The following TSHZ2 variants were observed in gnomAD, a reference collection of about 807,000 sequenced individuals.
TSHZ2 encodes the protein teashirt homolog 2.
TSHZ2 carries 21 observed loss-of-function variants against 74.4 expected under a neutral mutation model. The observed-to-expected ratio is 0.28, with a 90% CI of 0.20 to 0.41. The LOEUF (loss-of-function observed/expected upper bound fraction) is 0.41, where lower values mean the gene tolerates loss of function less well. TSHZ2 is among the 10% of genes least tolerant of loss of function. The pLI is 1.00. For synonymous variants in TSHZ2, 540 were observed against 515.3 expected (o/e 1.05, Z -0.65); for missense variants, 1,244 against 1,293.5 (o/e 0.96, Z 0.59).
chr20:53,160,443 A>G (rs995031431), intron 1 of TSHZ2, among the ~76,000 whole-genome samples: 4 of 152,140 alleles, frequency 2.6e-5, no homozygotes, highest in Admixed American at 6.5e-5. Flanking sequence ...TGCTGGAGCC[A>G]AGTAAAGCAT....
chr20:53,027,792 A>G (rs868298766), intron 1 of TSHZ2, among the ~76,000 whole-genome samples: 3 of 152,140 alleles, frequency 2.0e-5, no homozygotes, highest in Admixed American at 6.5e-5. Flanking sequence ...CCCTGAAGGG[A>G]CTTGAAACCC....
Position 53,040,529 on chromosome 20 carries a change from T to A in TSHZ2, c.40+67196T>A, listed in dbSNP as rs6022244. Among the ~76,000 whole-genome samples, 216 of 152,224 alleles carry A rather than the reference T, an allele frequency of 1.4e-3. 4 individuals are homozygous for A. Among genetic ancestry groups the A allele is most frequent in the African/African-American group, 5.0e-3 (207 of 41,530 alleles). On this transcript the variant is annotated intron_variant, in intron 1 of 2. Transcript: ENST00000371497. Reference sequence around the variant, plus strand: ...AGAGCAGAGAAGCTGGGATACAAACTGGGCTCTCTGAGTGCAGTTTGCTCC... The same window carrying A: ...AGAGCAGAGAAGCTGGGATACAAACAGGGCTCTCTGAGTGCAGTTTGCTCC...
intron 1 of TSHZ2, among the ~76,000 whole-genome samples, chr20:52,988,591 G>GA (rs779291534): frequency 0.015 from 1,650 of 111,292 alleles, 18 homozygotes; most frequent in African/African-American, 0.035. Flanking sequence ...TTGTGTTGTA[G>GA]AAAAAAAAAA....
chr20:53,240,114 C>T (rs1421541689), intron 1 of TSHZ2, among the ~76,000 whole-genome samples: 1 of 152,136 alleles, frequency 6.6e-6, no homozygotes, highest in African/African-American at 2.4e-5. Context: ...ATTCCTCATA[C>T]TAGCAAAGCT....
At chr20:53,045,310 G>A (rs1330598680) in intron 1 of TSHZ2, among the ~76,000 whole-genome samples, 1 of 152,196 alleles carries the variant, frequency 6.6e-6, no homozygotes, top group East Asian at 1.9e-4. Context: ...AAAGGGTGGG[G>A]AAGTGCAGCC....
chr20:53,344,586 A>C (rs1476318302), intron 2 of TSHZ2, among the ~76,000 whole-genome samples: 1 of 152,216 alleles, frequency 6.6e-6, no homozygotes, highest in Non-Finnish European at 1.5e-5. Context: ...AGAAAAGAAG[A>C]GAAAAATCAC....
intron 2 of TSHZ2, among the ~76,000 whole-genome samples, chr20:53,392,952 A>G (rs1363688114): frequency 1.3e-5 from 2 of 151,766 alleles, no homozygotes; most frequent in South Asian, 2.1e-4. Flanking sequence ...CCCTGCCTCA[A>G]CCTCCCGAGT....
At chr20:53,383,120 G>A (rs1384996685) in intron 2 of TSHZ2, among the ~76,000 whole-genome samples, 3 of 151,920 alleles carry the variant, frequency 2.0e-5, no homozygotes, top group Admixed American at 6.6e-5. Context: ...GAAATTAGCC[G>A]GGGGTGGCGG....
At chr20:53,199,645 A>C (rs1001495328) in intron 1 of TSHZ2, among the ~76,000 whole-genome samples, 2 of 152,126 alleles carry the variant, frequency 1.3e-5, no homozygotes, top group Non-Finnish European at 2.9e-5. Flanking sequence ...GGCTCATGTG[A>C]CTAGGTTAGG....
chr20:53,142,992 T>C (rs1226184576), intron 1 of TSHZ2, among the ~76,000 whole-genome samples: 4 of 152,192 alleles, frequency 2.6e-5, no homozygotes, highest in Admixed American at 2.6e-4. Context: ...CTTTGCTTAA[T>C]CCGGCGCTGA....
intron 1 of TSHZ2, among the ~76,000 whole-genome samples, chr20:53,139,057 G>T (rs962504339): frequency 3.9e-5 from 6 of 152,204 alleles, no homozygotes; most frequent in African/African-American, 1.4e-4. Flanking sequence ...TGTTCTGACA[G>T]TGTTTCTCAA....
chr20:53,060,138 C>T (rs1037903922), intron 1 of TSHZ2, among the ~76,000 whole-genome samples: 16 of 152,140 alleles, frequency 1.1e-4, no homozygotes, highest in African/African-American at 3.6e-4. Context: ...CAAAACAGGT[C>T]ACTTTTTACA....
chr20:53,410,459 C>A (rs113438554), intron 2 of TSHZ2, among the ~76,000 whole-genome samples: 102 of 152,012 alleles, frequency 6.7e-4, no homozygotes, highest in Admixed American at 1.6e-3. Flanking sequence ...GGTCTCAGTA[C>A]GATAACAAAA....
intron 1 of TSHZ2, among the ~76,000 whole-genome samples, chr20:53,099,335 C>T (rs975413103): frequency 7.2e-5 from 11 of 152,062 alleles, no homozygotes; most frequent in Non-Finnish European, 1.3e-4. Flanking sequence ...TTGTAGAGGG[C>T]CTTCCCTGTT....
At chr20:52,983,602 T>G (rs1167442379) in intron 1 of TSHZ2, among the ~76,000 whole-genome samples, 1 of 152,222 alleles carries the variant, frequency 6.6e-6, no homozygotes, top group African/African-American at 2.4e-5. Context: ...CTGGACCAAT[T>G]GCAAATCCTA....
intron 2 of TSHZ2, among the ~76,000 whole-genome samples, chr20:53,262,616 G>A (rs1216802006): frequency 2.6e-5 from 4 of 152,188 alleles, no homozygotes. Flanking sequence ...GAACAATGCA[G>A]TTTTAGCAAT....
intron 2 of TSHZ2, among the ~76,000 whole-genome samples, chr20:53,428,660 C>T (rs1218898247): frequency 6.6e-6 from 1 of 152,142 alleles, no homozygotes; most frequent in Non-Finnish European, 1.5e-5. Context: ...TAATCCTAAC[C>T]CTGGCTCCAT....
intron 1 of TSHZ2, among the ~76,000 whole-genome samples, chr20:53,044,319 C>T (rs1984149422): frequency 6.6e-6 from 1 of 152,234 alleles, no homozygotes; most frequent in South Asian, 2.1e-4. Context: ...CACATATCTT[C>T]TGTCATATTC....
chr20:53,383,299 A>G (rs1981926888), intron 2 of TSHZ2, among the ~76,000 whole-genome samples: 1 of 152,102 alleles, frequency 6.6e-6, no homozygotes, highest in Admixed American at 6.6e-5. Flanking sequence ...AAAATGCTTT[A>G]TCTACCAGAA....
Sources: gnomAD v4.1 joint callset for allele counts (sites outside exome capture counted in the v4.1 genomes callset) on GRCh38, gnomAD v4.1.1 for gene constraint, MANE v1.5 for transcripts, NCBI Gene and HGNC (gene_info 2026-07-23, HGNC 2026-07-21) for gene names.